TGFBR2: variants seen among roughly 807,000 people sequenced by gnomAD.
TGFBR2 encodes the protein transforming growth factor beta receptor 2, also known as TGF-beta receptor type-2.
TGFBR2 carries 18 observed loss-of-function variants against 49.0 expected under a neutral mutation model. That is an observed-to-expected ratio of 0.37 (90% CI 0.25 to 0.54). The LOEUF (loss-of-function observed/expected upper bound fraction) is 0.54. TGFBR2 is among the 20% of genes least tolerant of loss of function. TGFBR2 has a pLI of 0.85. For synonymous variants in TGFBR2, 282 were observed against 275.9 expected (o/e 1.02, Z -0.22); for missense variants, 525 against 722.6 (o/e 0.73, Z 3.13).
At chr3:30,638,764 T>C (rs1007193285) in intron 1 of TGFBR2, among the ~76,000 whole-genome samples, 1 of 152,192 alleles carries the variant, frequency 6.6e-6, no homozygotes, top group Admixed American at 6.5e-5. Flanking sequence ...TGAAGAATTA[T>C]ACAGGGAATC....
At chr3:30,626,609 C>G (rs1249592493) in intron 1 of TGFBR2, 2 of 152,502 alleles carry the variant, frequency 1.3e-5, no homozygotes, top group Admixed American at 1.3e-4. Context: ...AGAGGCAGTT[C>G]TTCAGCTCTG....
intron 1 of TGFBR2, among the ~76,000 whole-genome samples, chr3:30,612,614 G>T (rs899296826): frequency 6.6e-6 from 1 of 152,166 alleles, no homozygotes; most frequent in African/African-American, 2.4e-5. Context: ...TGACAATGGT[G>T]TCTTAGTGGT....
At chr3:30,614,456 T>C (rs1025089739) in intron 1 of TGFBR2, among the ~76,000 whole-genome samples, 1 of 152,216 alleles carries the variant, frequency 6.6e-6, no homozygotes, top group Non-Finnish European at 1.5e-5. Flanking sequence ...GTATAAATCA[T>C]TACGAAGTCT....
rs1378809632 is a variant in TGFBR2, at chr3:30,692,531, T to G, written c.*932T>G. 8.6e-6 allele frequency: 2 copies of G among 233,098 alleles called. No homozygotes were observed. The highest frequency in any genetic ancestry group is 4.4e-5 in the African/African-American group (2 of 45,338). 14.4% of individuals were successfully genotyped at this position (233,098 alleles called of 1,614,324 possible). A position where few individuals can be genotyped will look rare whatever the true frequency, so the allele number is the denominator to read the frequency against. ...CCCCTGCACTTATGTTACTATTCTC[T>G]GCTCCCAGCCTTCATCCTTTTCTAA... On this transcript the variant is annotated 3_prime_UTR_variant, in exon 7 of 7. Coordinates refer to ENST00000295754, the MANE Select transcript of TGFBR2 (RefSeq NM_003242.6).
intron 3 of TGFBR2, 44 bp from the exon 4 acceptor site, chr3:30,671,594 T>C: frequency 6.2e-7 from 1 of 1,605,852 alleles, no homozygotes; most frequent in Middle Eastern, 1.7e-4. Context: ...AGTACTTACC[T>C]ACCACATCCA....
intron 1 of TGFBR2, among the ~76,000 whole-genome samples, chr3:30,636,876 A>G (rs1698544637): frequency 6.6e-6 from 1 of 152,006 alleles, no homozygotes; most frequent in Non-Finnish European, 1.5e-5. Context: ...CATCCTGGCT[A>G]ACACGGTGAA....
rs550421922 is a variant in TGFBR2, at chr3:30,672,292, G to A, written c.1109G>A (p.Arg370Lys). ...HLHSDHTPCGRPKMPIVHRDL... is the reference protein window; with the variant it reads ...HLHSDHTPCGKPKMPIVHRDL... ...CACAGTGATCACACTCCATGTGGGAGGCCCAAGATGCCCATCGTGCACAGG... is the reference window on the plus strand; with the variant it reads ...CACAGTGATCACACTCCATGTGGGAAGCCCAAGATGCCCATCGTGCACAGG... The change falls in exon 4 of 7, where the codon AGG (arginine) becomes AAG (lysine). Residue 370 changes from arginine (R) to lysine (K), a missense_variant. By Grantham distance (26) the Arg-to-Lys change is conservative. Coordinates refer to ENST00000295754, the MANE Select transcript of TGFBR2 (RefSeq NM_003242.6). The surrounding 1 kb of genome is among the most constrained non-coding windows in gnomAD (Gnocchi z 4.5). The A allele has an allele frequency of 1.2e-6, 2 of 1,606,302 alleles. No individual in the cohort carries two copies. The highest frequency in any genetic ancestry group is 1.7e-6 in the Non-Finnish European group (2 of 1,175,330).
chr3:30,618,378 C>T (rs578188742), intron 1 of TGFBR2, among the ~76,000 whole-genome samples: 13 of 151,998 alleles, frequency 8.6e-5, no homozygotes, highest in Non-Finnish European at 1.9e-4. Flanking sequence ...TACAGGTGTG[C>T]ACCAACACAC....
At chr3:30,625,416 C>G (rs1485208261) in intron 1 of TGFBR2, among the ~76,000 whole-genome samples, 4 of 152,166 alleles carry the variant, frequency 2.6e-5, no homozygotes, top group East Asian at 1.9e-4. Flanking sequence ...GGGAGATATG[C>G]TTTCTCACAT....
intron 2 of TGFBR2, among the ~76,000 whole-genome samples, chr3:30,648,937 G>A (rs903952126): frequency 6.6e-6 from 1 of 152,150 alleles, no homozygotes; most frequent in Non-Finnish European, 1.5e-5. Context: ...CTCTCATGGG[G>A]ATGGCCCCGC....
At chr3:30,661,647 A>G (rs374551855) in intron 3 of TGFBR2, 43 of 497,396 alleles carry the variant, frequency 8.6e-5, no homozygotes, top group African/African-American at 8.0e-4. Context: ...GAGGTGAGTT[A>G]AGGTCATTTT....
chr3:30,636,932 T>C (rs893802698), intron 1 of TGFBR2, among the ~76,000 whole-genome samples: 2 of 151,796 alleles, frequency 1.3e-5, no homozygotes, highest in South Asian at 4.2e-4. Flanking sequence ...AGCGTGGTGT[T>C]GGGCACCTGT....
At chr3:30,682,339 C>T (rs1051377302) in intron 5 of TGFBR2, among the ~76,000 whole-genome samples, 2 of 152,242 alleles carry the variant, frequency 1.3e-5, no homozygotes, top group Non-Finnish European at 2.9e-5. Context: ...ATAATACTTA[C>T]AATGCATATT....
chr3:30,636,868 TC>T (rs1406495309), intron 1 of TGFBR2, among the ~76,000 whole-genome samples: 1 of 151,660 alleles, frequency 6.6e-6, no homozygotes, highest in African/African-American at 2.4e-5. Flanking sequence ...ATCGAGACCA[TC>T]CTGGCTAACA....
At chr3:30,612,313 G>A (rs1698044620) in intron 1 of TGFBR2, among the ~76,000 whole-genome samples, 2 of 152,106 alleles carry the variant, frequency 1.3e-5, no homozygotes, top group Non-Finnish European at 2.9e-5. Context: ...GTTTTGCCTG[G>A]GTGCATGTAT....
intron 1 of TGFBR2, among the ~76,000 whole-genome samples, chr3:30,615,687 T>G (rs1477826305): frequency 6.6e-6 from 1 of 152,168 alleles, no homozygotes; most frequent in African/African-American, 2.4e-5. Context: ...TTTTAAACAC[T>G]TCATATTTGT....
At chr3:30,645,491 C>CTTTTTTTT (rs771983813) in intron 2 of TGFBR2, among the ~76,000 whole-genome samples, 34,176 of 134,828 alleles carry the variant, frequency 0.25, 5,127 homozygotes, top group East Asian at 0.64. Context: ...CTACATATTT[C>CTTTTTTTT]TTTTTTTTTT....
chr3:30,669,305 A>G (rs1292125403), intron 3 of TGFBR2, among the ~76,000 whole-genome samples: 1 of 151,976 alleles, frequency 6.6e-6, no homozygotes, highest in Non-Finnish European at 1.5e-5. Context: ...TGAAGTAGCT[A>G]TGTAGACTGG....
chr3:30,639,753 C>G (rs1339462002), intron 1 of TGFBR2, among the ~76,000 whole-genome samples: 2 of 152,058 alleles, frequency 1.3e-5, no homozygotes, highest in Non-Finnish European at 2.9e-5. Flanking sequence ...GAGTTTCCCC[C>G]CACAAAAAAC....
Sources: allele counts gnomAD v4.1 joint callset (sites outside exome capture counted in the v4.1 genomes callset), GRCh38; gene constraint gnomAD v4.1.1; non-coding constraint Gnocchi (gnomAD v3.1); transcripts MANE v1.5; gene names NCBI Gene and HGNC (gene_info 2026-07-23, HGNC 2026-07-21).